PLSCR4: variants seen among roughly 807,000 people sequenced by gnomAD.
PLSCR4 encodes Ca(2+)-dependent phospholipid scramblase 4.
A neutral mutation model predicts 36.3 loss-of-function variants in PLSCR4; 25 were observed. That is an observed-to-expected ratio of 0.69 (90% confidence interval 0.50 to 0.96). PLSCR4 has a LOEUF of 0.96. Ranked by LOEUF, PLSCR4 falls within the 40% of genes least tolerant of loss-of-function variation. PLSCR4 has a pLI of 0.00. For synonymous variants in PLSCR4, 122 were observed against 132.9 expected (o/e 0.92, Z 0.56); for missense variants, 408 against 414.7 (o/e 0.98, Z 0.14).
chr3:146,223,456 G>T (rs564868062), intron 1 of PLSCR4, among the ~76,000 whole-genome samples: 50 of 152,186 alleles, frequency 3.3e-4, no homozygotes, highest in Non-Finnish European at 5.6e-4. Flanking sequence ...CCTGCTAAAG[G>T]CAAGTGCTTC....
intron 3 of PLSCR4, among the ~76,000 whole-genome samples, chr3:146,209,597 A>AT (rs1239259681): frequency 6.6e-6 from 1 of 152,100 alleles, no homozygotes; most frequent in Non-Finnish European, 1.5e-5. Flanking sequence ...CCATTACTGC[A>AT]TATCTATCTA....
rs1454799812 is a variant in PLSCR4 at position 146,223,429 on chromosome 3, A to C, written c.-21-1337T>G. On this transcript the variant is annotated intron_variant, in intron 1 of 8. Coordinates refer to ENST00000354952, the MANE Select transcript of PLSCR4 (RefSeq NM_020353.3). Reference sequence around the variant, plus strand: ...TATCTCTGATTATAACAACTCTCTAATGTGTAAATGGCCAACCCTGCTAAA... The same window carrying C: ...TATCTCTGATTATAACAACTCTCTACTGTGTAAATGGCCAACCCTGCTAAA... 4.6e-5 allele frequency among the ~76,000 whole-genome samples: 7 copies of C among 152,248 alleles called. No individual in the cohort carries two copies. The East Asian group carries it at 1.4e-3, about 29-fold the overall frequency.
chr3:146,231,887 T>C (rs1468638069), intron 1 of PLSCR4, among the ~76,000 whole-genome samples: 2 of 152,218 alleles, frequency 1.3e-5, no homozygotes, highest in Non-Finnish European at 1.5e-5. Context: ...ATTTTTGTTT[T>C]AGTTGCAATT....
chr3:146,200,009 T>C lies in PLSCR4; in HGVS notation c.428A>G (p.Tyr143Cys), dbSNP rs758609997. 8.8e-6 allele frequency: 14 copies of C among 1,598,092 alleles called. 1 individual carries two copies. The Admixed American group carries it at 2.3e-4, about 27-fold the overall frequency. The change falls in exon 6 of 9, where the codon TAT (tyrosine) becomes TGT (cysteine). Residue 143 changes from tyrosine to cysteine, a missense_variant. Transcript: ENST00000354952. ...CTGGTCTGAGTTGTTTTTAATATCA[T>C]ATCTATTATTAGTTTCAAAACATGT... ...MMTCFETNNR[Y>C]DIKNNSDQMV...
chr3:146,225,185 A>G (rs2035395751), intron 1 of PLSCR4, among the ~76,000 whole-genome samples: 2 of 150,052 alleles, frequency 1.3e-5, no homozygotes, highest in Non-Finnish European at 3.0e-5. Context: ...GTGTATTTAC[A>G]ATCCCTGAGC....
intron 4 of PLSCR4, 112 bp downstream of exon 4, chr3:146,206,414 C>G (rs2034330226): frequency 1.4e-6 from 1 of 707,998 alleles, no homozygotes; most frequent in South Asian, 1.8e-5. Context: ...CAAATGGCAT[C>G]TGTCATCACT....
At chr3:146,203,629 T>C (rs2034161320) in intron 4 of PLSCR4, among the ~76,000 whole-genome samples, 1 of 152,040 alleles carries the variant, frequency 6.6e-6, no homozygotes, top group African/African-American at 2.4e-5. Flanking sequence ...AAGTGCCTTT[T>C]TTCCCCCCTT....
At chr3:146,194,855 G>A (rs1351838821) in intron 8 of PLSCR4, among the ~76,000 whole-genome samples, 1 of 152,062 alleles carries the variant, frequency 6.6e-6, no homozygotes, top group Non-Finnish European at 1.5e-5. Context: ...TATACCCAAT[G>A]GATACCTAAT....
intron 3 of PLSCR4, among the ~76,000 whole-genome samples, chr3:146,211,487 A>G (rs1442538493): frequency 1.3e-5 from 2 of 152,048 alleles, no homozygotes; most frequent in Admixed American, 6.6e-5. Flanking sequence ...GTTTTCTCTC[A>G]TTGTGTAGGT....
chr3:146,238,096 G>A (rs1000900986), intron 1 of PLSCR4, among the ~76,000 whole-genome samples: 26 of 151,630 alleles, frequency 1.7e-4, no homozygotes, highest in African/African-American at 6.3e-4. Context: ...TAGATGAAAT[G>A]GACAAATTCC....
At chr3:146,239,946 G>A (rs995333916) in intron 1 of PLSCR4, among the ~76,000 whole-genome samples, 1 of 151,966 alleles carries the variant, frequency 6.6e-6, no homozygotes, top group Non-Finnish European at 1.5e-5. Context: ...AGAAGAAAAC[G>A]CAGGAGTAAA....
Position 146,199,804 on chromosome 3 carries a change from T to A in PLSCR4, c.624+9A>T. 6.2e-7 allele frequency: 1 copy of A among 1,604,658 alleles called. No individual in the cohort carries two copies. Among genetic ancestry groups the A allele is most frequent in the Non-Finnish European group, 8.5e-7 (1 of 1,172,122 alleles). ...AAGCAAGCTGTGGATCAGACTTCCA[T>A]TCTCTGACCTCTTGTCTGGCAGAGG... On this transcript the variant is annotated intron_variant, in intron 6 of 8. Coordinates refer to ENST00000354952, the MANE Select transcript of PLSCR4 (RefSeq NM_020353.3).
chr3:146,233,582 T>C (rs2035804083), intron 1 of PLSCR4, among the ~76,000 whole-genome samples: 2 of 152,306 alleles, frequency 1.3e-5, no homozygotes, highest in South Asian at 4.1e-4. Flanking sequence ...TTTTAAACTC[T>C]CAGTTTCTTT....
rs76424208 is a variant in PLSCR4 at position 146,192,813 on chromosome 3, C to G, written c.*1598G>C. 1.3e-5 allele frequency: 2 copies of G among 150,984 alleles called. No homozygotes were observed. The highest frequency in any genetic ancestry group is 3.9e-4 in the East Asian group (2 of 5,176). 9.4% of individuals were successfully genotyped at this position (150,984 alleles called of 1,614,324 possible). On this transcript the variant is annotated 3_prime_UTR_variant, in exon 9 of 9. Coordinates refer to ENST00000354952, the MANE Select transcript of PLSCR4 (RefSeq NM_020353.3). ...ATATTTTAGAAAGCAGCAACTTTTA[C>G]TTTTTTTAAAAAAAAAAGCTAGTAG...
intron 1 of PLSCR4, among the ~76,000 whole-genome samples, chr3:146,229,008 T>C (rs1009460772): frequency 2.0e-5 from 3 of 152,232 alleles, no homozygotes; most frequent in Non-Finnish European, 4.4e-5. Flanking sequence ...AGGTATCTAC[T>C]AGATGTTCCT....
intron 1 of PLSCR4, among the ~76,000 whole-genome samples, chr3:146,248,426 A>G (rs1280590831): frequency 6.6e-6 from 1 of 152,148 alleles, no homozygotes; most frequent in Non-Finnish European, 1.5e-5. Flanking sequence ...ACTACTCACA[A>G]TATAATTCAG....
At chr3:146,249,402 T>C (rs1244700490) in intron 1 of PLSCR4, among the ~76,000 whole-genome samples, 1 of 152,132 alleles carries the variant, frequency 6.6e-6, no homozygotes, top group Non-Finnish European at 1.5e-5. Context: ...CAATTAAATG[T>C]TATTTCTTCT....
chr3:146,237,457 C>T (rs573984870), intron 1 of PLSCR4, among the ~76,000 whole-genome samples: 72 of 152,096 alleles, frequency 4.7e-4, no homozygotes, highest in African/African-American at 1.7e-3. Context: ...AAACATTCTC[C>T]AAGATATAAC....
intron 3 of PLSCR4, 75 bp from the exon 4 acceptor site, chr3:146,206,836 T>C (rs973562036): frequency 3.4e-6 from 3 of 893,752 alleles, no homozygotes; most frequent in Middle Eastern, 3.1e-4. Context: ...TGCGATGAAA[T>C]AGATCACACG....
Sources: allele counts gnomAD v4.1 joint callset (sites outside exome capture counted in the v4.1 genomes callset), GRCh38; gene constraint gnomAD v4.1.1; transcripts MANE v1.5; gene names NCBI Gene and HGNC (gene_info 2026-07-23, HGNC 2026-07-21).